EXT1: variants seen among roughly 807,000 people sequenced by gnomAD.
The protein encoded by EXT1 is exostosin glycosyltransferase 1.
EXT1 carries 20 observed loss-of-function variants against 82.5 expected under a neutral mutation model. The ratio of observed to expected loss-of-function variants is 0.24; its 90% CI spans 0.17 to 0.35. EXT1 has a LOEUF of 0.35. Ranked by LOEUF, EXT1 falls within the 10% of genes least tolerant of loss-of-function variation. EXT1 has a pLI of 1.00. For synonymous variants in EXT1, 348 were observed against 350.8 expected (o/e 0.99, Z 0.09); for missense variants, 757 against 936.5 (o/e 0.81, Z 2.50).
intron 1 of EXT1, among the ~76,000 whole-genome samples, chr8:118,082,371 T>A (rs1179702497): frequency 4.6e-5 from 7 of 152,168 alleles, no homozygotes; most frequent in Non-Finnish European, 1.0e-4. Context: ...TCTTCACATC[T>A]GAGAGGAAAA....
chr8:117,992,095 G>A (rs1482482828), intron 1 of EXT1, among the ~76,000 whole-genome samples: 1 of 152,160 alleles, frequency 6.6e-6, no homozygotes, highest in East Asian at 1.9e-4. Context: ...TTTTGGCAAA[G>A]ACAAGTGTCT....
intron 1 of EXT1, among the ~76,000 whole-genome samples, chr8:118,105,954 A>G (rs1817797243): frequency 6.6e-6 from 1 of 152,210 alleles, no homozygotes; most frequent in Non-Finnish European, 1.5e-5. Context: ...TGTTCAGTCA[A>G]TGCACAGTCT....
At chr8:118,042,852 T>G (rs1157878185) in intron 1 of EXT1, among the ~76,000 whole-genome samples, 1 of 152,204 alleles carries the variant, frequency 6.6e-6, no homozygotes, top group African/African-American at 2.4e-5. Flanking sequence ...CAGTCTCACT[T>G]GTTTTATGTT....
Position 117,818,452 on chromosome 8 carries a change from T to C in EXT1, c.1615A>G (p.Ile539Val). ...AGTCTTACCTTGCTCTCTCCTTCAA[T>C]GACGACGACAGGCACAGCAGTGGCA... is the stretch of plus-strand genomic sequence containing the variant. ...WPATAVPVVV[I>V]EGESKVMSSR... Residue 539 changes from isoleucine (I) to valine (V), a missense_variant, in exon 7 of 11, where the codon ATT (isoleucine) becomes GTT (valine). Transcript: ENST00000378204. 2 of 1,614,134 alleles carry C rather than the reference T, an allele frequency of 1.2e-6. No homozygotes were observed. The highest frequency in any genetic ancestry group is 1.1e-5 in the South Asian group (1 of 91,074).
chr8:118,085,525 G>A (rs1482088034), intron 1 of EXT1, among the ~76,000 whole-genome samples: 2 of 142,726 alleles, frequency 1.4e-5, no homozygotes, highest in Middle Eastern at 3.7e-3. Flanking sequence ...CAAAGAATAT[G>A]GGAACATACT....
At position 117,993,291 on chromosome 8, in the gene EXT1, C is replaced by A. The variant is rs192136784; in HGVS notation, c.962+116794G>T. Reference sequence around the variant, plus strand: ...ATACTCACAGCTGCATGGGGATCAACAGATAAAAAAATTACTGATGGAGGA... The same window carrying A: ...ATACTCACAGCTGCATGGGGATCAAAAGATAAAAAAATTACTGATGGAGGA... On this transcript the variant is annotated intron_variant, in intron 1 of 10. Coordinates refer to ENST00000378204, the MANE Select transcript of EXT1 (RefSeq NM_000127.3). 7.3e-3 allele frequency among the ~76,000 whole-genome samples: 1,112 copies of A among 152,268 alleles called. 7 individuals carry two copies. Among genetic ancestry groups the A allele is most frequent in the Non-Finnish European group, 0.012 (811 of 68,020 alleles).
At chr8:117,949,913 C>G (rs11562823) in intron 1 of EXT1, among the ~76,000 whole-genome samples, 13,271 of 152,068 alleles carry the variant, frequency 0.087, 1,503 homozygotes, top group African/African-American at 0.26. Flanking sequence ...AGATGGCATC[C>G]AAACATTCTT....
intron 1 of EXT1, among the ~76,000 whole-genome samples, chr8:118,065,914 GTC>G (rs1816976956): frequency 6.6e-6 from 1 of 152,194 alleles, no homozygotes; most frequent in Non-Finnish European, 1.5e-5. Context: ...TGGGACTGAG[GTC>G]TCTCAGTTTC....
At chr8:117,859,363 CA>C (rs1289279525) in intron 1 of EXT1, among the ~76,000 whole-genome samples, 3 of 152,180 alleles carry the variant, frequency 2.0e-5, no homozygotes, top group African/African-American at 7.2e-5. Flanking sequence ...TCAGCAACTA[CA>C]CAATATATAT....
chr8:117,979,558 G>T (rs146414118), intron 1 of EXT1, among the ~76,000 whole-genome samples: 174 of 151,912 alleles, frequency 1.1e-3, no homozygotes, highest in African/African-American at 3.7e-3. Flanking sequence ...TCTAGACAGT[G>T]GAGCAACCAG....
chr8:117,836,392 T>G (rs1472673748), intron 2 of EXT1, among the ~76,000 whole-genome samples: 2 of 152,040 alleles, frequency 1.3e-5, no homozygotes, highest in Non-Finnish European at 2.9e-5. Flanking sequence ...GATAAGAAGT[T>G]ATGAGGCACT....
chr8:118,060,953 A>C (rs1214863225), intron 1 of EXT1, among the ~76,000 whole-genome samples: 1 of 152,224 alleles, frequency 6.6e-6, no homozygotes, highest in African/African-American at 2.4e-5. Flanking sequence ...TGAAACCAAA[A>C]ACAGAAATGG....
At chr8:118,106,231 C>T (rs1027891391) in intron 1 of EXT1, among the ~76,000 whole-genome samples, 1 of 152,200 alleles carries the variant, frequency 6.6e-6, no homozygotes, top group African/African-American at 2.4e-5. Flanking sequence ...CTGAAGAATT[C>T]TAAGAGAAAT....
chr8:117,883,395 C>T (rs1813095127), intron 1 of EXT1, among the ~76,000 whole-genome samples: 2 of 152,216 alleles, frequency 1.3e-5, no homozygotes, highest in African/African-American at 4.8e-5. Flanking sequence ...GAGATTACAA[C>T]TTATTTCTAA....
Position 117,917,617 on chromosome 8 carries a change from G to A in EXT1, c.963-80416C>T, listed in dbSNP as rs566212926. Among the ~76,000 whole-genome samples, 13 of 152,312 alleles carry A rather than the reference G, an allele frequency of 8.5e-5. 1 individual carries two copies. The South Asian group carries it at 2.7e-3, about 32-fold the overall frequency. ...AAGCGAATGGTTTCACCTCAAAGAT[G>A]CAAAGTTCTGGCTGGACCTAGTATG... On this transcript the variant is annotated intron_variant, in intron 1 of 10. Transcript: ENST00000378204.
At chr8:117,823,830 C>T (rs913141906) in intron 4 of EXT1, among the ~76,000 whole-genome samples, 10 of 152,136 alleles carry the variant, frequency 6.6e-5, no homozygotes, top group Admixed American at 2.6e-4. Flanking sequence ...ATCAAAACTG[C>T]TAATTTTATA....
chr8:118,090,370 T>A (rs1237834300), intron 1 of EXT1, among the ~76,000 whole-genome samples: 1 of 151,752 alleles, frequency 6.6e-6, no homozygotes, highest in Non-Finnish European at 1.5e-5. Context: ...CAGTGAGCCA[T>A]GACAGTGCCA....
intron 1 of EXT1, among the ~76,000 whole-genome samples, chr8:117,837,952 T>C (rs766055764): frequency 1.6e-4 from 24 of 152,186 alleles, no homozygotes; most frequent in Admixed American, 4.6e-4. Flanking sequence ...TGATATTACA[T>C]TGCTTTTGCT....
At chr8:118,072,094 C>A (rs1586376780) in intron 1 of EXT1, among the ~76,000 whole-genome samples, 1 of 152,164 alleles carries the variant, frequency 6.6e-6, no homozygotes, top group African/African-American at 2.4e-5. Context: ...TCACTTTGGG[C>A]AGGTATTAGA....
Sources: allele counts gnomAD v4.1 joint callset (sites outside exome capture counted in the v4.1 genomes callset), GRCh38; gene constraint gnomAD v4.1.1; transcripts MANE v1.5; gene names NCBI Gene and HGNC (gene_info 2026-07-23, HGNC 2026-07-21).